The following MYO1C variants were observed in gnomAD, a reference collection of about 807,000 sequenced individuals.
MYO1C encodes the protein unconventional myosin-Ic.
Under a neutral mutation model 150.8 loss-of-function variants are expected in MYO1C, and 104 were observed. The ratio of observed to expected loss-of-function variants is 0.69; its 90% confidence interval spans 0.59 to 0.81. The LOEUF (loss-of-function observed/expected upper bound fraction) is 0.81. Ranked by LOEUF, MYO1C falls within the 30% of genes least tolerant of loss-of-function variation. The pLI is 0.00. For missense variants in MYO1C, 1,504 were observed against 1,435.0 expected (o/e 1.05, Z -0.78); for synonymous variants, 663 against 579.9 (o/e 1.14, Z -2.06).
chr17:1,470,250 CA>C lies in MYO1C; in HGVS notation c.2450del (p.Leu817CysfsTer2). 1 of 1,604,160 alleles carries C rather than the reference CA, an allele frequency of 6.2e-7. No individual in the cohort carries two copies. The highest frequency in any genetic ancestry group is 8.5e-7 in the Non-Finnish European group (1 of 1,176,624). ...GGGGCAGCTGCCGCCTCAGGTTTAG[CA>C]AAAAAGAGGTGCGCACATGGTCCAG... ...FFLDHVRTSFLLNLRRQLPQN... is the reference protein window; with the variant it reads ...FFLDHVRTSFXLNLRRQLPQN... On this transcript the variant is annotated frameshift_variant, in exon 24 of 32. Transcript: ENST00000648651. LOFTEE classifies it high-confidence loss of function.
In MYO1C at chr17:1,477,500, C is replaced by T. The variant is rs1191445428; in HGVS notation, c.1574+5G>A. 2 of 1,613,478 alleles carry T rather than the reference C, an allele frequency of 1.2e-6. No homozygotes were observed. Among genetic ancestry groups the T allele is most frequent in the Non-Finnish European group, 1.7e-6 (2 of 1,179,908 alleles). ...TGCCCCCAGCAGCCCCGCAGCCCCA[C>T]TCACGTCAGGAAGTGTGGATGGTGC... On this transcript the variant is annotated splice_donor_5th_base_variant and intron_variant, in intron 14 of 31. Coordinates refer to ENST00000648651, the MANE Select transcript of MYO1C (RefSeq NM_001080779.2).
intron 14 of MYO1C, chr17:1,477,157 A>C (rs1373813475): frequency 7.7e-6 from 2 of 259,396 alleles, no homozygotes; most frequent in East Asian, 8.4e-5. Flanking sequence ...CTTTTTTAAA[A>C]AATTCATTAT....
At chr17:1,469,098 C>T (rs1406350108) in intron 25 of MYO1C, 4 of 311,972 alleles carry the variant, frequency 1.3e-5, no homozygotes, top group South Asian at 2.8e-5. Flanking sequence ...ACCGGTAGAC[C>T]GGGGTAAATA....
intron 14 of MYO1C, chr17:1,477,174 T>G: frequency 3.5e-6 from 1 of 288,034 alleles, no homozygotes; most frequent in Non-Finnish European, 6.6e-6. Flanking sequence ...TTATTTATTT[T>G]TTTCCCTTTT....
intron 13 of MYO1C, 105 bp downstream of exon 13, chr17:1,477,786 G>C: frequency 8.4e-7 from 1 of 1,185,840 alleles, no homozygotes; most frequent in African/African-American, 1.5e-5. Context: ...TCTCTACTCA[G>C]CCCCAAACTC....
chr17:1,479,741 G>C lies in MYO1C; in HGVS notation c.907-36C>G. On this transcript the variant is annotated intron_variant, in intron 7 of 31. Transcript: ENST00000648651. This position sits in a 1 kb window ranked among gnomAD's most constrained non-coding sequence, Gnocchi z 4.2. ...AGGCCGGGGGCAGGAGGGGGTGAGA[G>C]GGGCCAGAGAGCCCCAAGAGGGCAA... 1 of 1,524,062 alleles carries C rather than the reference G, an allele frequency of 6.6e-7. No individual in the cohort carries two copies. Among genetic ancestry groups the C allele is most frequent in the South Asian group, 1.2e-5 (1 of 85,408 alleles). 94.4% of individuals were successfully genotyped at this position (1,524,062 alleles called of 1,614,324 possible).
In MYO1C at chr17:1,477,965, G is replaced by T. The variant is rs777538204; in HGVS notation, c.1408C>A (p.Pro470Thr). The change falls in exon 13 of 32, where the codon CCC becomes ACC. Residue 470 changes from proline to threonine, a missense_variant. Physicochemically the swap from Pro to Thr is conservative, Grantham distance 38. Coordinates refer to ENST00000648651, the MANE Select transcript of MYO1C (RefSeq NM_001080779.2). ...ATTTTGTTGTTGAAATACTGGACGG[G>T]CTCCCACTGAGGGGCAGAAGGGAAG... is the stretch of plus-strand genomic sequence containing the variant. ...EYEAEGIAWE[P>T]VQYFNNKIIC... 28 of 1,614,006 alleles carry T rather than the reference G, an allele frequency of 1.7e-5. No homozygotes were observed. Among genetic ancestry groups the T allele is most frequent in the Non-Finnish European group, 2.3e-5 (27 of 1,179,976 alleles).
chr17:1,470,425 T>C lies in MYO1C; in HGVS notation c.2366+10A>G, dbSNP rs1362324542. The C allele has an allele frequency of 1.9e-6, 3 of 1,550,156 alleles. No individual in the cohort carries two copies. The highest frequency in any genetic ancestry group is 2.4e-5 in the East Asian group (1 of 40,940). On this transcript the variant is annotated intron_variant, in intron 23 of 31. Coordinates refer to ENST00000648651, the MANE Select transcript of MYO1C (RefSeq NM_001080779.2). ...GCTCTGCAGCCCCCACAAGGCACCC[T>C]GGCGCTCACCGCCGGATGGTCTGTG...
At chr17:1,465,805 C>T (rs2074158178) in intron 31 of MYO1C, 53 bp from the exon 32 acceptor site, 10 of 1,264,414 alleles carry the variant, frequency 7.9e-6, no homozygotes, top group Middle Eastern at 4.1e-4. Flanking sequence ...ACGGGGGCCC[C>T]GGTACTCAGA....
At chr17:1,486,676 C>T (rs2074662641) in intron 1 of MYO1C, among the ~76,000 whole-genome samples, 3 of 152,268 alleles carry the variant, frequency 2.0e-5, no homozygotes, top group South Asian at 2.1e-4. Context: ...CCACCACACT[C>T]GGCTAATTTT....
intron 1 of MYO1C, chr17:1,484,650 G>C: frequency 4.2e-6 from 2 of 479,342 alleles, no homozygotes; most frequent in South Asian, 2.1e-5. Context: ...GTTTTGGGTG[G>C]AGAAAGGGGG....
chr17:1,469,805 T>C (rs2074260761), intron 24 of MYO1C, among the ~76,000 whole-genome samples, 191 bp from the exon 25 acceptor site: 1 of 150,748 alleles, frequency 6.6e-6, no homozygotes. Flanking sequence ...GAGGCCAAGG[T>C]GGGTGGATCA....
At chr17:1,481,212 TG>T in intron 5 of MYO1C, 2 of 364,216 alleles carry the variant, frequency 5.5e-6, no homozygotes, top group South Asian at 5.6e-5. Context: ...TGGTCAGTGG[TG>T]ACTACATCCT....
chr17:1,484,041 A>T, intron 2 of MYO1C, 107 bp downstream of exon 2: 1 of 279,388 alleles, frequency 3.6e-6, no homozygotes, highest in Non-Finnish European at 5.8e-6. Flanking sequence ...AAACTGTCTC[A>T]AAAAAAAAAA....
At chr17:1,484,448 G>T (rs1380899955) in intron 1 of MYO1C, 145 bp from the exon 2 acceptor site, 8 of 509,962 alleles carry the variant, frequency 1.6e-5, no homozygotes, top group Non-Finnish European at 2.4e-5. Flanking sequence ...GGTGCGGGGG[G>T]CCTGGGTGCT....
intron 1 of MYO1C, among the ~76,000 whole-genome samples, chr17:1,488,535 T>TC (rs2074694414): frequency 6.6e-6 from 1 of 152,200 alleles, no homozygotes; most frequent in Non-Finnish European, 1.5e-5. Flanking sequence ...GTATCATCAC[T>TC]CCAATGCAGA....
chr17:1,484,653 A>G, intron 1 of MYO1C: 1 of 474,442 alleles, frequency 2.1e-6, no homozygotes, highest in South Asian at 2.1e-5. Context: ...TTGGGTGGAG[A>G]AAGGGGGGGT....
At chr17:1,468,379 A>T (rs774823617) in intron 26 of MYO1C, 24 bp downstream of exon 26, 2 of 1,613,318 alleles carry the variant, frequency 1.2e-6, no homozygotes, top group Non-Finnish European at 1.7e-6. Context: ...GAAAGGTCTG[A>T]GTGCTGGAAA....
intron 13 of MYO1C, 43 bp from the exon 14 acceptor site, chr17:1,477,639 T>A: frequency 2.0e-6 from 3 of 1,482,816 alleles, no homozygotes; most frequent in Non-Finnish European, 2.8e-6. Context: ...GGGGGACAGG[T>A]CAGAGCGCAC....
Sources: gnomAD v4.1 joint callset for allele counts (sites outside exome capture counted in the v4.1 genomes callset) on GRCh38, gnomAD v4.1.1 for gene constraint, Gnocchi (gnomAD v3.1) non-coding constraint, MANE v1.5 for transcripts, NCBI Gene and HGNC (gene_info 2026-07-23, HGNC 2026-07-21) for gene names.